The following THSD7A variants were observed in gnomAD, a reference collection of about 807,000 sequenced individuals.
The protein encoded by THSD7A is thrombospondin type 1 domain containing 7A, also known as thrombospondin type-1 domain-containing protein 7A.
In THSD7A, 96 loss-of-function variants were observed where a neutral mutation model predicts 231.3. That is an observed-to-expected ratio of 0.41 (90% CI 0.35 to 0.49). The LOEUF is 0.49. Among genes scored for constraint, THSD7A ranks in the 20% least tolerant of loss-of-function variants. The pLI is 0.05. For missense variants in THSD7A, 2,290 were observed against 2,070.2 expected (o/e 1.11, Z -2.06); for synonymous variants, 940 against 743.3 (o/e 1.26, Z -4.30).
Position 11,755,481 on chromosome 7 carries a change from C to A in THSD7A, c.190+76276G>T, listed in dbSNP as rs549336978. ...AAATGGGGAGAAATGCTTATGAAAG[C>A]CAAAAGGGAAGGCTTGGAAAGTCAG... On this transcript the variant is annotated intron_variant, in intron 1 of 27. Coordinates refer to ENST00000423059, the MANE Select transcript of THSD7A (RefSeq NM_015204.3). 3.3e-5 allele frequency among the ~76,000 whole-genome samples: 5 copies of A among 152,058 alleles called. No individual in the cohort carries two copies. In the East Asian group the frequency reaches 9.7e-4, roughly 30 times the overall value.
chr7:11,398,504 T>C (rs1783277596), intron 23 of THSD7A, among the ~76,000 whole-genome samples: 1 of 151,930 alleles, frequency 6.6e-6, no homozygotes, highest in African/African-American at 2.4e-5. Context: ...GTAACAAACC[T>C]GCACGTTCTG....
intron 4 of THSD7A, among the ~76,000 whole-genome samples, chr7:11,565,500 T>C (rs1227775904): frequency 3.3e-5 from 5 of 152,188 alleles, no homozygotes; most frequent in African/African-American, 1.2e-4. Flanking sequence ...TAGGAGACTA[T>C]TCCAATAATA....
At chr7:11,494,063 T>C (rs1231899586) in intron 6 of THSD7A, among the ~76,000 whole-genome samples, 5 of 152,028 alleles carry the variant, frequency 3.3e-5, no homozygotes, top group African/African-American at 4.8e-5. Flanking sequence ...TTTGCTCCTA[T>C]AGAAGGAAGA....
chr7:11,380,861 T>C (rs112793503), intron 24 of THSD7A, among the ~76,000 whole-genome samples: 2 of 152,290 alleles, frequency 1.3e-5, no homozygotes, highest in Admixed American at 6.5e-5. Context: ...TTGTACACTT[T>C]GCTGAATTGA....
rs749485064 is a variant in THSD7A, at chr7:11,593,405, T to C, written c.1120A>G (p.Lys374Glu). The C allele has an allele frequency of 5.6e-6, 9 of 1,614,042 alleles. No individual in the cohort carries two copies. The highest frequency in any genetic ancestry group is 7.6e-6 in the Non-Finnish European group (9 of 1,179,904). Reference sequence around the variant, plus strand: ...GGGGACACCATGTCATGGCATGTTTTTGAGCAGGGGCTCCACTCTGACCAC... The same window carrying C: ...GGGGACACCATGTCATGGCATGTTTCTGAGCAGGGGCTCCACTCTGACCAC... The part of the protein sequence containing the change: ...SEWSEWSPCS[K>E]TCHDMVSPAG... The change falls in exon 3 of 28, where the codon AAA (lysine) becomes GAA (glutamate). Residue 374 changes from lysine (K) to glutamate (E), a missense_variant. Coordinates refer to ENST00000423059, the MANE Select transcript of THSD7A (RefSeq NM_015204.3).
chr7:11,482,094 TA>T (rs950083720), intron 6 of THSD7A, 112 bp from the exon 7 acceptor site: 5 of 1,198,702 alleles, frequency 4.2e-6, no homozygotes, highest in Non-Finnish European at 3.4e-6. Flanking sequence ...TGCTCTTACT[TA>T]AAAAAACGTA....
intron 1 of THSD7A, among the ~76,000 whole-genome samples, chr7:11,761,479 T>C (rs1305676987): frequency 1.3e-5 from 2 of 152,160 alleles, no homozygotes; most frequent in Non-Finnish European, 1.5e-5. Context: ...TTTCATTATA[T>C]GTATGTATAT....
intron 4 of THSD7A, among the ~76,000 whole-genome samples, chr7:11,586,429 C>T (rs953979525): frequency 6.6e-6 from 1 of 152,130 alleles, no homozygotes; most frequent in African/African-American, 2.4e-5. Context: ...TGGAGACTCT[C>T]TTAGGTATCA....
chr7:11,409,525 G>A (rs752125298), intron 19 of THSD7A, among the ~76,000 whole-genome samples: 13 of 152,198 alleles, frequency 8.5e-5, no homozygotes, highest in Non-Finnish European at 1.3e-4. Context: ...AAGAAATCAA[G>A]AATTCGGTTT....
At chr7:11,478,945 G>C (rs1480967708) in intron 7 of THSD7A, among the ~76,000 whole-genome samples, 4 of 152,068 alleles carry the variant, frequency 2.6e-5, no homozygotes, top group African/African-American at 9.7e-5. Flanking sequence ...ACAATGAAAC[G>C]TGAGAAATGA....
intron 1 of THSD7A, among the ~76,000 whole-genome samples, chr7:11,705,995 T>C (rs1330079959): frequency 6.6e-6 from 1 of 150,978 alleles, no homozygotes; most frequent in Admixed American, 6.6e-5. Flanking sequence ...ATAGTCTCTA[T>C]GCTACACAAA....
intron 1 of THSD7A, among the ~76,000 whole-genome samples, chr7:11,711,167 T>C (rs931808068): frequency 1.3e-5 from 2 of 150,950 alleles, no homozygotes; most frequent in African/African-American, 4.8e-5. Context: ...GAAAATGTGC[T>C]TTATACATTT....
chr7:11,738,686 G>A (rs1262104761), intron 1 of THSD7A, among the ~76,000 whole-genome samples: 1 of 151,966 alleles, frequency 6.6e-6, no homozygotes. Flanking sequence ...AACTGGAAGG[G>A]GCAGAAGAGG....
At chr7:11,401,533 T>G (rs1783402245) in intron 23 of THSD7A, among the ~76,000 whole-genome samples, 1 of 152,124 alleles carries the variant, frequency 6.6e-6, no homozygotes, top group African/African-American at 2.4e-5. Context: ...TTCTCCTGCC[T>G]CAGCCTCCTG....
rs973244783 is a variant in THSD7A, at chr7:11,407,029, T to C, written c.3943A>G (p.Thr1315Ala). Reference protein sequence around the residue: ...TGKMIRRRTVTQPFQGDGRPC... With the variant: ...TGKMIRRRTVAQPFQGDGRPC... ...CTTCCATCACCTTGAAAGGGCTGGG[T>C]CACTGTTCGTCTTCGGATCATTTTT... The change falls in exon 21 of 28, where the codon ACC becomes GCC. Residue 1315 changes from threonine to alanine, a missense_variant. Coordinates refer to ENST00000423059, the MANE Select transcript of THSD7A (RefSeq NM_015204.3). 14 of 1,613,836 alleles carry C rather than the reference T, an allele frequency of 8.7e-6. No homozygotes were observed. The highest frequency in any genetic ancestry group is 1.2e-5 in the Non-Finnish European group (14 of 1,179,862).
At chr7:11,484,676 A>C (rs1786573264) in intron 6 of THSD7A, among the ~76,000 whole-genome samples, 1 of 152,030 alleles carries the variant, frequency 6.6e-6, no homozygotes, top group South Asian at 2.1e-4. Context: ...TTGTTAAATA[A>C]ATACATAAAT....
At chr7:11,778,753 T>C (rs1168731451) in intron 1 of THSD7A, among the ~76,000 whole-genome samples, 3 of 152,146 alleles carry the variant, frequency 2.0e-5, no homozygotes, top group Admixed American at 6.5e-5. Flanking sequence ...ATCATATGAA[T>C]ATGAAGTTCA....
At chr7:11,757,938 T>C (rs976423162) in intron 1 of THSD7A, among the ~76,000 whole-genome samples, 2 of 150,100 alleles carry the variant, frequency 1.3e-5, no homozygotes, top group Non-Finnish European at 3.0e-5. Flanking sequence ...ATAATAATAA[T>C]GATTATAAAA....
chr7:11,609,026 A>G (rs1306771806), intron 2 of THSD7A, among the ~76,000 whole-genome samples: 2 of 152,196 alleles, frequency 1.3e-5, no homozygotes, highest in African/African-American at 2.4e-5. Flanking sequence ...TCTATGTGTC[A>G]TCACAGGTTT....
Sources: gnomAD v4.1 joint callset for allele counts (sites outside exome capture counted in the v4.1 genomes callset) on GRCh38, gnomAD v4.1.1 for gene constraint, MANE v1.5 for transcripts, NCBI Gene and HGNC (gene_info 2026-07-23, HGNC 2026-07-21) for gene names.